IMMP2L: variants seen among roughly 807,000 people sequenced by gnomAD.
IMMP2L encodes mitochondrial inner membrane protease subunit 2.
IMMP2L carries 18 observed loss-of-function variants against 19.3 expected under a neutral mutation model. That is an observed-to-expected ratio of 0.93 (90% CI 0.64 to 1.38). The LOEUF (loss-of-function observed/expected upper bound fraction) is 1.38, where lower values mean the gene tolerates loss of function less well. Among genes scored for constraint, IMMP2L ranks in the 40% most tolerant of loss-of-function variants. The pLI is 0.00. For missense variants in IMMP2L, 233 were observed against 218.2 expected (o/e 1.07, Z -0.43); for synonymous variants, 76 against 73.0 (o/e 1.04, Z -0.21).
intron 4 of IMMP2L, among the ~76,000 whole-genome samples, chr7:110,907,678 G>A (rs1316319675): frequency 6.6e-6 from 1 of 152,162 alleles, no homozygotes; most frequent in Non-Finnish European, 1.5e-5. Context: ...TAGATTTACT[G>A]TTCCAAGGCA....
intron 5 of IMMP2L, among the ~76,000 whole-genome samples, chr7:110,675,982 C>A (rs1169806255): frequency 1.3e-5 from 2 of 152,122 alleles, no homozygotes; most frequent in African/African-American, 4.8e-5. Context: ...AATAACCTCT[C>A]CTACTACTAA....
At chr7:111,469,404 A>C (rs1840999284) in intron 3 of IMMP2L, among the ~76,000 whole-genome samples, 1 of 152,096 alleles carries the variant, frequency 6.6e-6, no homozygotes, top group African/African-American at 2.4e-5. Flanking sequence ...ATGTTCTTCC[A>C]TTCGTTTGTA....
intron 3 of IMMP2L, among the ~76,000 whole-genome samples, chr7:111,151,884 C>G (rs1327027466): frequency 6.6e-6 from 1 of 152,118 alleles, no homozygotes; most frequent in African/African-American, 2.4e-5. Flanking sequence ...TGCAGTGAGC[C>G]AAGATCGCGC....
chr7:110,960,413 G>A (rs1206881004), intron 4 of IMMP2L, among the ~76,000 whole-genome samples: 1 of 151,692 alleles, frequency 6.6e-6, no homozygotes. Context: ...CTGTTTCTAG[G>A]AATTCACCTA....
At chr7:110,825,595 C>T (rs1207404057) in intron 5 of IMMP2L, among the ~76,000 whole-genome samples, 1 of 152,076 alleles carries the variant, frequency 6.6e-6, no homozygotes, top group Non-Finnish European at 1.5e-5. Context: ...GAAAGGATTC[C>T]CTATTTAATA....
chr7:110,884,856 A>G (rs556305023), intron 5 of IMMP2L, among the ~76,000 whole-genome samples: 2 of 152,160 alleles, frequency 1.3e-5, no homozygotes, highest in South Asian at 4.1e-4. Flanking sequence ...CATCATTGCA[A>G]CTAGAAAAAA....
chr7:110,983,603 T>C (rs1215571283), intron 3 of IMMP2L, among the ~76,000 whole-genome samples: 2 of 152,006 alleles, frequency 1.3e-5, no homozygotes, highest in African/African-American at 2.4e-5. Flanking sequence ...TAATTAAATA[T>C]TTATTGGATT....
chr7:111,161,619 C>A (rs1805271934), intron 3 of IMMP2L, among the ~76,000 whole-genome samples: 1 of 151,882 alleles, frequency 6.6e-6, no homozygotes, highest in African/African-American at 2.4e-5. Context: ...GGTATCCTAT[C>A]ATGGTATATT....
chr7:111,442,340 C>T (rs564026812), intron 3 of IMMP2L, among the ~76,000 whole-genome samples: 1 of 151,762 alleles, frequency 6.6e-6, no homozygotes, highest in African/African-American at 2.4e-5. Flanking sequence ...GAAGTTATAG[C>T]CAAAAACTAT....
At chr7:111,261,531 G>A (rs986313341) in intron 3 of IMMP2L, among the ~76,000 whole-genome samples, 4 of 152,012 alleles carry the variant, frequency 2.6e-5, no homozygotes, top group African/African-American at 9.7e-5. Flanking sequence ...AATTACCAAT[G>A]TCTTGAACAG....
intron 5 of IMMP2L, among the ~76,000 whole-genome samples, chr7:110,821,752 A>G (rs993486304): frequency 1.3e-5 from 2 of 151,960 alleles, no homozygotes; most frequent in African/African-American, 2.4e-5. Context: ...CTCTACCACA[A>G]ATTACAAAAA....
In IMMP2L at chr7:110,757,845, G is replaced by A. The variant is rs1364857655; in HGVS notation, c.409-94124C>T. Among the ~76,000 whole-genome samples, 1 of 152,112 alleles carries A rather than the reference G, an allele frequency of 6.6e-6. No homozygotes were observed. Among genetic ancestry groups the A allele is most frequent in the Non-Finnish European group, 1.5e-5 (1 of 68,004 alleles). Reference sequence around the variant, plus strand: ...GAAGGCAGCACTGGAGTAGACTCCTGAAAGTGGGGAGGGGAAGCCATGCAG... The same window carrying A: ...GAAGGCAGCACTGGAGTAGACTCCTAAAAGTGGGGAGGGGAAGCCATGCAG... On this transcript the variant is annotated intron_variant, in intron 5 of 5. Coordinates refer to ENST00000405709, the MANE Select transcript of IMMP2L (RefSeq NM_032549.4). The surrounding 1 kb of genome is among the most constrained non-coding windows in gnomAD (Gnocchi z 4.2).
At chr7:110,984,018 A>C (rs2129558504) in intron 3 of IMMP2L, among the ~76,000 whole-genome samples, 1 of 152,110 alleles carries the variant, frequency 6.6e-6, no homozygotes, top group African/African-American at 2.4e-5. Flanking sequence ...CCTGATAAAA[A>C]CCAGACCAAG....
At chr7:111,169,715 G>A (rs1562881174) in intron 3 of IMMP2L, among the ~76,000 whole-genome samples, 1 of 151,746 alleles carries the variant, frequency 6.6e-6, no homozygotes, top group Admixed American at 6.6e-5. Context: ...ATCTTCATTT[G>A]GTCATCTGCA....
chr7:111,548,124 TTCAGGGAGAGAATATTATCTA>T (rs944529093), intron 1 of IMMP2L, among the ~76,000 whole-genome samples: 3 of 152,056 alleles, frequency 2.0e-5, no homozygotes, highest in African/African-American at 7.2e-5. Context: ...AGAAACCAGT[TTCAGGGAGAGAATATTATCTA>T]TCAGGGAGAG....
At chr7:111,370,392 T>C (rs758589997) in intron 3 of IMMP2L, among the ~76,000 whole-genome samples, 11 of 152,002 alleles carry the variant, frequency 7.2e-5, no homozygotes, top group Non-Finnish European at 1.0e-4. Context: ...AATATCCAAC[T>C]AAGTACTACT....
intron 5 of IMMP2L, among the ~76,000 whole-genome samples, chr7:110,703,457 T>C (rs1369526516): frequency 6.6e-6 from 1 of 152,192 alleles, no homozygotes; most frequent in East Asian, 1.9e-4. Context: ...TCAAATGAGT[T>C]AGGGAGTTCT....
At chr7:111,181,140 T>G (rs1036726854) in intron 3 of IMMP2L, among the ~76,000 whole-genome samples, 6 of 152,032 alleles carry the variant, frequency 3.9e-5, no homozygotes, top group Non-Finnish European at 1.5e-5. Context: ...TTGTTTTTGT[T>G]GCCACTAGGC....
chr7:110,732,742 T>C (rs1335331104), intron 5 of IMMP2L, among the ~76,000 whole-genome samples: 2 of 152,030 alleles, frequency 1.3e-5, no homozygotes, highest in African/African-American at 4.8e-5. Context: ...TCTTGATATG[T>C]GGTAAAAGTT....
Sources: allele counts gnomAD v4.1 joint callset (sites outside exome capture counted in the v4.1 genomes callset), GRCh38; gene constraint gnomAD v4.1.1; non-coding constraint Gnocchi (gnomAD v3.1); transcripts MANE v1.5; gene names NCBI Gene and HGNC (gene_info 2026-07-23, HGNC 2026-07-21).